The following TMTC2 variants were observed in gnomAD, a reference collection of about 807,000 sequenced individuals.
TMTC2 encodes transmembrane O-mannosyltransferase targeting cadherins 2, also known as protein O-mannosyl-transferase TMTC2.
In TMTC2, 43 loss-of-function variants were observed where a neutral mutation model predicts 82.4. The ratio of observed to expected loss-of-function variants is 0.52; its 90% CI spans 0.41 to 0.67. The LOEUF (loss-of-function observed/expected upper bound fraction) is 0.67. TMTC2 is among the 30% of genes least tolerant of loss of function. The pLI is 0.00. For synonymous variants in TMTC2, 408 were observed against 381.9 expected, an observed-to-expected ratio of 1.07 and a Z score of -0.80; for missense variants, 919 against 1,012.4, an observed-to-expected ratio of 0.91 and a Z score of 1.25.
chr12:82,733,910 G>T (rs1212090539), intron 1 of TMTC2, among the ~76,000 whole-genome samples: 1 of 152,166 alleles, frequency 6.6e-6, no homozygotes, highest in Non-Finnish European at 1.5e-5. Flanking sequence ...ATACGAAAAA[G>T]CAAGATTTAG....
chr12:82,920,141 CATT>C (rs889329596), intron 3 of TMTC2, among the ~76,000 whole-genome samples: 6 of 139,972 alleles, frequency 4.3e-5, no homozygotes, highest in African/African-American at 1.7e-4. Flanking sequence ...ATGAAAAACT[CATT>C]ATAACTTCTT....
At chr12:82,712,447 A>T (rs1453521143) in intron 1 of TMTC2, among the ~76,000 whole-genome samples, 1 of 151,710 alleles carries the variant, frequency 6.6e-6, no homozygotes, top group East Asian at 1.9e-4. Context: ...AAAAAAAAAA[A>T]AAAGCCACCT....
chr12:82,774,834 C>G (rs566115787), intron 1 of TMTC2, among the ~76,000 whole-genome samples: 49 of 151,864 alleles, frequency 3.2e-4, no homozygotes, highest in Non-Finnish European at 6.6e-4. Context: ...TCTGCTCTCT[C>G]TCGTTTGCTG....
chr12:82,986,341 C>T (rs919523406), intron 8 of TMTC2: 11 of 282,332 alleles, frequency 3.9e-5, no homozygotes, highest in Admixed American at 3.6e-4. Context: ...CGTATCATCC[C>T]TGTATCAAAA....
chr12:82,810,072 A>G (rs1050969313), intron 1 of TMTC2, among the ~76,000 whole-genome samples: 4 of 152,114 alleles, frequency 2.6e-5, no homozygotes, highest in African/African-American at 9.7e-5. Context: ...CTGGTCATGC[A>G]TAATGATACT....
At chr12:83,019,832 C>G (rs939543880) in intron 8 of TMTC2, among the ~76,000 whole-genome samples, 2 of 152,146 alleles carry the variant, frequency 1.3e-5, no homozygotes, top group Non-Finnish European at 2.9e-5. Context: ...TCAGTACCCT[C>G]AGAGTGATAT....
At chr12:83,080,385 CTGTG>C (rs1000367908) in intron 11 of TMTC2, among the ~76,000 whole-genome samples, 2 of 150,382 alleles carry the variant, frequency 1.3e-5, no homozygotes, top group Non-Finnish European at 3.0e-5. Context: ...CTCTCTCTCT[CTGTG>C]TGTGTGTGTG....
At chr12:82,741,070 G>T (rs1218940769) in intron 1 of TMTC2, among the ~76,000 whole-genome samples, 1 of 152,164 alleles carries the variant, frequency 6.6e-6, no homozygotes, top group Non-Finnish European at 1.5e-5. Flanking sequence ...GTACTTTAGT[G>T]ATACCCACTT....
intron 7 of TMTC2, among the ~76,000 whole-genome samples, chr12:82,971,696 G>A (rs1356209101): frequency 6.6e-6 from 1 of 151,770 alleles, no homozygotes; most frequent in Non-Finnish European, 1.5e-5. Context: ...TTTCATCATG[G>A]TAATATATCT....
At chr12:83,042,694 T>G (rs1881940351) in intron 9 of TMTC2, among the ~76,000 whole-genome samples, 1 of 152,198 alleles carries the variant, frequency 6.6e-6, no homozygotes, top group African/African-American at 2.4e-5. Flanking sequence ...AGTGGTTTTC[T>G]GGCATTTCAT....
At chr12:83,103,468 A>G (rs1762913347) in intron 11 of TMTC2, among the ~76,000 whole-genome samples, 1 of 152,110 alleles carries the variant, frequency 6.6e-6, no homozygotes, top group Non-Finnish European at 1.5e-5. Context: ...CGGATCTCGG[A>G]AGGTAAAGCA....
chr12:82,974,086 A>G (rs1298971628), intron 7 of TMTC2, among the ~76,000 whole-genome samples: 1 of 152,140 alleles, frequency 6.6e-6, no homozygotes, highest in African/African-American at 2.4e-5. Flanking sequence ...ATCTGTTTTA[A>G]GGCTGGGCAC....
At chr12:82,875,285 C>A (rs1872426044) in intron 2 of TMTC2, among the ~76,000 whole-genome samples, 1 of 151,986 alleles carries the variant, frequency 6.6e-6, no homozygotes, top group Non-Finnish European at 1.5e-5. Context: ...CTTTTATGTT[C>A]ATTTTTACTT....
intron 4 of TMTC2, among the ~76,000 whole-genome samples, chr12:82,938,506 A>G (rs1565818892): frequency 6.6e-6 from 1 of 152,120 alleles, no homozygotes; most frequent in Admixed American, 6.5e-5. Flanking sequence ...GTCTCCTAAA[A>G]TAGATAATTT....
intron 4 of TMTC2, among the ~76,000 whole-genome samples, chr12:82,962,648 TTGAAATTTCAG>T (rs1488276052): frequency 3.3e-5 from 5 of 152,192 alleles, no homozygotes; most frequent in African/African-American, 1.2e-4. Flanking sequence ...TGTATTGATT[TTGAAATTTCAG>T]TGAGCCTCTA....
At chr12:83,091,770 T>C (rs1883856726) in intron 11 of TMTC2, among the ~76,000 whole-genome samples, 1 of 152,246 alleles carries the variant, frequency 6.6e-6, no homozygotes, top group Non-Finnish European at 1.5e-5. Flanking sequence ...GCATTTGTGT[T>C]ACCTGTCTTG....
At chr12:83,051,047 G>A in intron 10 of TMTC2, 29 bp downstream of exon 10, 3 of 1,544,584 alleles carry the variant, frequency 1.9e-6, no homozygotes, top group Non-Finnish European at 2.7e-6. Flanking sequence ...GTGCCTCAAA[G>A]CCTAGGCTTT....
At chr12:82,805,552 G>C (rs528756347) in intron 1 of TMTC2, among the ~76,000 whole-genome samples, 20 of 127,628 alleles carry the variant, frequency 1.6e-4, no homozygotes, top group Non-Finnish European at 2.9e-4. Flanking sequence ...CTGTCACCCA[G>C]GCTGGAGTGA....
At chr12:82,800,751 G>C (rs977374684) in intron 1 of TMTC2, among the ~76,000 whole-genome samples, 2 of 152,022 alleles carry the variant, frequency 1.3e-5, no homozygotes, top group African/African-American at 2.4e-5. Flanking sequence ...GAGACAACAG[G>C]GTTTGTCCTT....
Sources: gnomAD v4.1 joint callset for allele counts (sites outside exome capture counted in the v4.1 genomes callset) on GRCh38, gnomAD v4.1.1 for gene constraint, MANE v1.5 for transcripts, NCBI Gene and HGNC (gene_info 2026-07-23, HGNC 2026-07-21) for gene names.